BCORL1: variants seen among roughly 807,000 people sequenced by gnomAD.
The protein encoded by BCORL1 is BCL6 corepressor like 1.
BCORL1 carries 7 observed loss-of-function variants against 87.6 expected under a neutral mutation model. The observed-to-expected ratio is 0.08, with a 90% confidence interval of 0.05 to 0.15. The LOEUF (loss-of-function observed/expected upper bound fraction) is 0.15. BCORL1 is among the 10% of genes least tolerant of loss of function. BCORL1 has a pLI of 1.00. For synonymous variants in BCORL1, 591 were observed against 634.4 expected (o/e 0.93, Z 1.03); for missense variants, 1,215 against 1,499.7 (o/e 0.81, Z 3.13).
chrX:129,991,806 C>T (rs771101374), intron 1 of BCORL1, among the ~76,000 whole-genome samples: 12 of 101,935 alleles, frequency 1.2e-4, no homozygotes, highest in African/African-American at 3.7e-4. Context: ...TGCAGGCGCC[C>T]GCCACCATGC....
chrX:129,989,835 A>G (rs141171942), intron 1 of BCORL1, among the ~76,000 whole-genome samples: 1,571 of 101,723 alleles, frequency 0.015, 26 homozygotes, highest in African/African-American at 0.055. Flanking sequence ...ACCCAGGCTG[A>G]AGTGCAGTGG....
rs753181332 is a variant in BCORL1, at chrX:130,015,233, G to A, written c.2461G>A (p.Gly821Arg). ...TATTTATCCCCGGTGTTCAGTCAAT[G>A]GGAAACCTACCAGCACCCAGGTCCT... ...ANIYPRCSVN[G>R]KPTSTQVLPV... Residue 821 changes from glycine to arginine, a missense_variant, in exon 4 of 14, where the codon GGG (glycine) becomes AGG (arginine). This residue lies in a region of BCORL1 where 861 missense variants were observed against 1,010.0 expected (regional missense o/e 0.85). Coordinates refer to ENST00000540052, the MANE Select transcript of BCORL1 (RefSeq NM_001379451.1). 4 of 1,210,816 alleles carry A rather than the reference G, an allele frequency of 3.3e-6. No individual in the cohort carries two copies. In the African/African-American group the frequency reaches 7.0e-5, roughly 21 times the overall value.
intron 1 of BCORL1, among the ~76,000 whole-genome samples, chrX:129,990,125 A>G (rs1260835513): frequency 9.0e-6 from 1 of 111,579 alleles, no homozygotes; most frequent in Non-Finnish European, 1.9e-5. Flanking sequence ...CATCTATACA[A>G]TGGAGATGAT....
chrX:130,042,231 G>A (rs997694537), intron 11 of BCORL1, among the ~76,000 whole-genome samples: 1 of 110,535 alleles, frequency 9.0e-6, no homozygotes, highest in African/African-American at 3.3e-5. Context: ...TAGGACCACG[G>A]GTGTGTGCCA....
At chrX:130,034,102 G>A (rs73633942) in intron 8 of BCORL1, among the ~76,000 whole-genome samples, 412 of 112,350 alleles carry the variant, frequency 3.7e-3, no homozygotes, top group African/African-American at 0.012. Context: ...AGGTAAAGAA[G>A]GCATGCAGAG....
At chrX:129,983,109 G>A (rs1926256483) in intron 1 of BCORL1, among the ~76,000 whole-genome samples, 1 of 110,803 alleles carries the variant, frequency 9.0e-6, no homozygotes, top group African/African-American at 3.3e-5. Flanking sequence ...CTCCCTTCGG[G>A]ACAGCTCCCT....
rs760631129 is a variant in BCORL1, at chrX:130,053,938, T to C, written c.5076-1916T>C. On this transcript the variant is annotated intron_variant, in intron 13 of 13. Coordinates refer to ENST00000540052, the MANE Select transcript of BCORL1 (RefSeq NM_001379451.1). ...CCCAGAGCCCTCCATTTCCTACTCA[T>C]GTGAGATAAGAGCTTGCTGTCATTT... Among the ~76,000 whole-genome samples the C allele has an allele frequency of 3.6e-5, 4 of 112,058 alleles. No homozygotes were observed. In the South Asian group the frequency reaches 1.5e-3, roughly 42 times the overall value.
intron 11 of BCORL1, among the ~76,000 whole-genome samples, chrX:130,043,784 AT>A (rs1163098654): frequency 0.011 from 167 of 15,834 alleles, 3 homozygotes; most frequent in African/African-American, 0.017. Context: ...ATATATATAT[AT>A]TTTTTTTTTT....
chrX:130,054,042 C>T (rs917262966), intron 13 of BCORL1, among the ~76,000 whole-genome samples: 1 of 112,203 alleles, frequency 8.9e-6, no homozygotes. Context: ...ACATTTGATT[C>T]TATAAACATG....
chrX:130,015,201 C>T lies in BCORL1; in HGVS notation c.2429C>T (p.Pro810Leu), dbSNP rs770671475. 35 of 1,210,787 alleles carry T rather than the reference C, an allele frequency of 2.9e-5. No individual in the cohort carries two copies. In the East Asian group the frequency reaches 3.0e-4, roughly 10 times the overall value. Residue 810 changes from proline to leucine, a missense_variant, in exon 4 of 14, where the codon CCG (proline) becomes CTG (leucine). By Grantham distance (98) the Pro-to-Leu change is moderately conservative. Coordinates refer to ENST00000540052, the MANE Select transcript of BCORL1 (RefSeq NM_001379451.1). ...CTCTCTTTGTGGAAACCCACGGGGC[C>T]GGCAAATATTTATCCCCGGTGTTCA... ...KELSLWKPTGPANIYPRCSVN... is the reference protein window; with the variant it reads ...KELSLWKPTGLANIYPRCSVN...
At chrX:130,031,707 C>T (rs1455045485) in intron 8 of BCORL1, among the ~76,000 whole-genome samples, 1 of 111,608 alleles carries the variant, frequency 9.0e-6, no homozygotes, top group Admixed American at 9.5e-5. Flanking sequence ...TTGCTTGAAC[C>T]TGGGAGGCAG....
rs1932470120 is a variant in BCORL1 at position 130,057,638 on chromosome X, A to AT, written c.*1504dup. ...AAAAAAGAAAATGGAAAAAAAAAAGATTAAAAAAAAAAGGAAAAAAAAAAA... is the reference window on the plus strand; with the variant it reads ...AAAAAAGAAAATGGAAAAAAAAAAGATTTAAAAAAAAAAGGAAAAAAAAAAA... On this transcript the variant is annotated 3_prime_UTR_variant, in exon 14 of 14. Coordinates refer to ENST00000540052, the MANE Select transcript of BCORL1 (RefSeq NM_001379451.1). 1 of 109,171 alleles carries AT rather than the reference A, an allele frequency of 9.2e-6. No homozygotes were observed. 9.0% of individuals were successfully genotyped at this position (109,171 alleles called of 1,213,427 possible).
At position 130,015,212 on chromosome X, in the gene BCORL1, T is replaced by C. The variant is rs1488894613; in HGVS notation, c.2440T>C (p.Tyr814His). The change falls in exon 4 of 14, where the codon TAT becomes CAT. Residue 814 changes from tyrosine to histidine, a missense_variant. Physicochemically the swap from Tyr to His is moderately conservative, Grantham distance 83 (BLOSUM62 2). Coordinates refer to ENST00000540052, the MANE Select transcript of BCORL1 (RefSeq NM_001379451.1). Reference protein sequence around the residue: ...LWKPTGPANIYPRCSVNGKPT... With the variant: ...LWKPTGPANIHPRCSVNGKPT... ...GAAACCCACGGGGCCGGCAAATATT[T>C]ATCCCCGGTGTTCAGTCAATGGGAA... 8.3e-7 allele frequency: 1 copy of C among 1,211,967 alleles called. No homozygotes were observed. The highest frequency in any genetic ancestry group is 1.1e-6 in the Non-Finnish European group (1 of 895,566).
Position 130,013,159 on chromosome X carries a change from C to T in BCORL1, c.387C>T (p.Ser129=), listed in dbSNP as rs755647755. Residue 129 remains serine, a synonymous_variant, in exon 4 of 14, where the codon AGC becomes AGT. Transcript: ENST00000540052. ...GGCTCAAGCTTCCCGCATCTGACAG[C>T]GCCGAGGCCAGCAACAGCAGGGCCG... ...GDGLKLPASD[S]AEASNSRADC... 13 of 1,210,086 alleles carry T rather than the reference C, an allele frequency of 1.1e-5. No homozygotes were observed. Among genetic ancestry groups the T allele is most frequent in the South Asian group, 1.8e-5 (1 of 56,836 alleles).
chrX:130,033,153 C>T (rs1930730343), intron 8 of BCORL1, among the ~76,000 whole-genome samples: 1 of 107,669 alleles, frequency 9.3e-6, no homozygotes, highest in Non-Finnish European at 1.9e-5. Flanking sequence ...GCAATCTTGG[C>T]ATACTGCAAC....
intron 1 of BCORL1, among the ~76,000 whole-genome samples, chrX:129,985,285 C>T (rs944742957): frequency 8.9e-6 from 1 of 111,780 alleles, no homozygotes; most frequent in Non-Finnish European, 1.9e-5. Context: ...AGGTTATTTA[C>T]TTTTCTGTTG....
chrX:130,011,080 T>C (rs945233450), intron 2 of BCORL1, among the ~76,000 whole-genome samples: 9 of 95,313 alleles, frequency 9.4e-5, no homozygotes, highest in Non-Finnish European at 1.6e-4. Context: ...TCAGGCACAG[T>C]GTATTTCCCC....
intron 1 of BCORL1, among the ~76,000 whole-genome samples, chrX:130,002,696 G>A (rs1208896878): frequency 9.3e-6 from 1 of 107,457 alleles, no homozygotes; most frequent in Non-Finnish European, 1.9e-5. Context: ...AGGGGATTGT[G>A]TGTGTGTGTG....
intron 7 of BCORL1, among the ~76,000 whole-genome samples, chrX:130,025,815 A>C (rs1569377282): frequency 9.0e-6 from 1 of 110,791 alleles, no homozygotes; most frequent in Non-Finnish European, 1.9e-5. Context: ...CTAAGCTAAA[A>C]AGAAGTACAG....
Sources: allele counts gnomAD v4.1 joint callset (sites outside exome capture counted in the v4.1 genomes callset), GRCh38; gene constraint gnomAD v4.1.1; regional missense constraint gnomAD v4.1.1; transcripts MANE v1.5; gene names NCBI Gene and HGNC (gene_info 2026-07-23, HGNC 2026-07-21).